The following LAMA4 variants were observed in gnomAD, a reference collection of about 807,000 sequenced individuals.
LAMA4 encodes the protein laminin subunit alpha-4.
LAMA4 carries 127 observed loss-of-function variants against 207.1 expected under a neutral mutation model. The observed-to-expected ratio is 0.61, with a 90% confidence interval of 0.53 to 0.71. The LOEUF is 0.71. LAMA4 is among the 30% of genes least tolerant of loss of function. The pLI, the probability that LAMA4 is intolerant of heterozygous loss-of-function variation, is 0.00. For synonymous variants in LAMA4, 761 were observed against 816.0 expected, an observed-to-expected ratio of 0.93 and a Z score of 1.15; for missense variants, 2,093 against 2,246.5, an observed-to-expected ratio of 0.93 and a Z score of 1.38.
At chr6:112,136,788 TTC>T (rs1779380839) in intron 24 of LAMA4, among the ~76,000 whole-genome samples, 1 of 152,298 alleles carries the variant, frequency 6.6e-6, no homozygotes, top group Admixed American at 6.5e-5. Flanking sequence ...GTAAAAATTC[TTC>T]TGTTTTCATT....
intron 2 of LAMA4, among the ~76,000 whole-genome samples, chr6:112,216,917 A>G (rs781820090): frequency 6.6e-6 from 1 of 152,238 alleles, no homozygotes; most frequent in Admixed American, 6.5e-5. Context: ...ATAGGAGAGC[A>G]ACTTAGCTAT....
chr6:112,154,811 C>G (rs2277085), intron 16 of LAMA4, 40 bp downstream of exon 16: 11 of 1,217,148 alleles, frequency 9.0e-6, no homozygotes, highest in African/African-American at 3.0e-5. Flanking sequence ...AGGGAAGCAG[C>G]TATAAATTAG....
Position 112,119,162 on chromosome 6 carries a change from A to G in LAMA4, c.4815T>C (p.Asn1605=), listed in dbSNP as rs1554325173. The part of the protein sequence containing the change: ...GGVAPGKAVK[N]VQINSIYSFS... The stretch of plus-strand genomic sequence containing the variant: ...CTGGTCATGCCTGGCTTACCTGAAC[A>G]TTTTTCACAGCCTTTCCAGGAGCCA... The change falls in exon 34 of 39, where the codon AAT becomes AAC. Residue 1605 remains asparagine (N), a synonymous_variant. Coordinates refer to ENST00000230538, the MANE Select transcript of LAMA4 (RefSeq NM_001105206.3). The G allele has an allele frequency of 3.1e-6, 5 of 1,613,794 alleles. No individual in the cohort carries two copies.
chr6:112,119,473 C>T (rs1276986655), intron 33 of LAMA4, among the ~76,000 whole-genome samples, 162 bp from the exon 34 acceptor site: 1 of 152,150 alleles, frequency 6.6e-6, no homozygotes, highest in Non-Finnish European at 1.5e-5. Flanking sequence ...GAGTTTATCT[C>T]TTCTGTTTAG....
At chr6:112,246,256 A>G (rs969079201) in intron 2 of LAMA4, among the ~76,000 whole-genome samples, 3 of 152,314 alleles carry the variant, frequency 2.0e-5, no homozygotes, top group East Asian at 3.9e-4. Context: ...AGGTTTACTT[A>G]TTTTAGAAAA....
intron 5 of LAMA4, among the ~76,000 whole-genome samples, chr6:112,192,145 T>C (rs1554349290): frequency 6.6e-6 from 1 of 152,224 alleles, no homozygotes; most frequent in Non-Finnish European, 1.5e-5. Flanking sequence ...ACACAAATGA[T>C]ATATGATGGG....
chr6:112,221,080 A>G (rs1784897977), intron 2 of LAMA4, among the ~76,000 whole-genome samples: 1 of 152,160 alleles, frequency 6.6e-6, no homozygotes, highest in Non-Finnish European at 1.5e-5. Flanking sequence ...TTACCCATTT[A>G]AACAAACCAA....
intron 29 of LAMA4, chr6:112,130,278 TGAC>T: frequency 1.8e-6 from 1 of 544,236 alleles, no homozygotes; most frequent in South Asian, 2.1e-5. Flanking sequence ...GAAATTCAGA[TGAC>T]TAGTCATCAG....
chr6:112,141,069 GAGAAGAA>G (rs1779662756), intron 21 of LAMA4, 147 bp from the exon 22 acceptor site: 6 of 752,602 alleles, frequency 8.0e-6, no homozygotes, highest in Non-Finnish European at 1.3e-5. Flanking sequence ...CAATGAGAAA[GAGAAGAA>G]AGACATTCCA....
intron 13 of LAMA4, chr6:112,164,010 G>A (rs1554339183): frequency 6.6e-6 from 1 of 152,258 alleles, no homozygotes; most frequent in Non-Finnish European, 1.5e-5. Flanking sequence ...AGGATGAAGG[G>A]AGTTCTCTTC....
chr6:112,218,949 A>G (rs1784782452), intron 2 of LAMA4: 1 of 152,218 alleles, frequency 6.6e-6, no homozygotes, highest in Non-Finnish European at 1.5e-5. Context: ...CTGCTAGAGC[A>G]CATGTCCTGG....
Position 112,244,713 on chromosome 6 carries a change from C to T in LAMA4, c.195+9243G>A, listed in dbSNP as rs556263425. 2.0e-5 allele frequency among the ~76,000 whole-genome samples: 3 copies of T among 152,312 alleles called. No homozygotes were observed. In the South Asian group the frequency reaches 6.2e-4, roughly 32 times the overall value. On this transcript the variant is annotated intron_variant, in intron 2 of 38. Coordinates refer to ENST00000230538, the MANE Select transcript of LAMA4 (RefSeq NM_001105206.3). ...CAAGCACCCACACCTCCCCTCTCTT[C>T]TCACGTACAAAATGAGAGAGTTGAA...
At chr6:112,199,933 C>G (rs191868518) in intron 5 of LAMA4, among the ~76,000 whole-genome samples, 2 of 152,202 alleles carry the variant, frequency 1.3e-5, no homozygotes, top group African/African-American at 4.8e-5. Context: ...GGGTGCTTGA[C>G]TATTTCCGCT....
chr6:112,166,612 C>T (rs924826644), intron 12 of LAMA4: 2 of 153,750 alleles, frequency 1.3e-5, no homozygotes, highest in Admixed American at 6.5e-5. Context: ...AACTTCAAAG[C>T]TGTGTGCTAA....
chr6:112,211,917 G>T (rs570451584), intron 3 of LAMA4, among the ~76,000 whole-genome samples: 3 of 152,184 alleles, frequency 2.0e-5, no homozygotes, highest in African/African-American at 7.2e-5. Context: ...AGTAGAGGAA[G>T]GAGAGTCTGG....
chr6:112,184,461 A>C (rs557115903), intron 9 of LAMA4, among the ~76,000 whole-genome samples: 13 of 152,312 alleles, frequency 8.5e-5, no homozygotes, highest in Non-Finnish European at 1.9e-4. Flanking sequence ...ATAGCCTTTC[A>C]CATTGACTCT....
chr6:112,149,370 C>T (rs1554335269), intron 17 of LAMA4, among the ~76,000 whole-genome samples: 1 of 152,074 alleles, frequency 6.6e-6, no homozygotes, highest in African/African-American at 2.4e-5. Flanking sequence ...TGTGTTCCCA[C>T]CCAAATCTCA....
At chr6:112,191,430 C>A (rs781902155) in intron 6 of LAMA4, among the ~76,000 whole-genome samples, 2 of 152,176 alleles carry the variant, frequency 1.3e-5, no homozygotes, top group Admixed American at 6.5e-5. Flanking sequence ...TTATTCCACC[C>A]ATGAGCAAAA....
intron 13 of LAMA4, among the ~76,000 whole-genome samples, chr6:112,160,915 C>T (rs1554338236): frequency 6.6e-6 from 1 of 152,198 alleles, no homozygotes. Flanking sequence ...AGTTGCTTTG[C>T]AGGAATGAGT....
Sources: gnomAD v4.1 joint callset for allele counts (sites outside exome capture counted in the v4.1 genomes callset) on GRCh38, gnomAD v4.1.1 for gene constraint, MANE v1.5 for transcripts, NCBI Gene and HGNC (gene_info 2026-07-23, HGNC 2026-07-21) for gene names.